Variants in EP300 observed in about 807,000 individuals in gnomAD.
EP300 encodes the protein EP300 lysine acetyltransferase.
A neutral mutation model predicts 264.0 loss-of-function variants in EP300; 31 were observed. That is an observed-to-expected ratio of 0.12 (90% CI 0.09 to 0.16). The LOEUF is 0.16. EP300 is among the 10% of genes least tolerant of loss of function. The pLI is 1.00. For synonymous variants in EP300, 1,340 were observed against 1,045.4 expected, an observed-to-expected ratio of 1.28 and a Z score of -5.44; for missense variants, 2,766 against 3,052.9, an observed-to-expected ratio of 0.91 and a Z score of 2.21.
intron 1 of EP300, among the ~76,000 whole-genome samples, chr22:41,109,850 G>C (rs925667561): frequency 2.7e-5 from 4 of 150,154 alleles, no homozygotes; most frequent in African/African-American, 9.8e-5. Flanking sequence ...GTCTTGCTCT[G>C]TTTCCCAGGC....
Position 41,129,909 on chromosome 22 carries a change from T to G in EP300, c.1188T>G (p.Ser396=), listed in dbSNP as rs1249765703. 6.2e-7 allele frequency: 1 copy of G among 1,613,860 alleles called. No individual in the cohort carries two copies. The highest frequency in any genetic ancestry group is 8.5e-7 in the Non-Finnish European group (1 of 1,179,916). Residue 396 remains serine (S), a synonymous_variant, in exon 5 of 31, where the codon TCT becomes TCG. Coordinates refer to ENST00000263253, the MANE Select transcript of EP300 (RefSeq NM_001429.4). The stretch of plus-strand genomic sequence containing the variant: ...CTTTAGTGGCACACTGTGCATCTTC[T>G]CGACAAATCATTTCACACTGGAAGA... ...KSCQVAHCAS[S]RQIISHWKNC...
intron 3 of EP300, among the ~76,000 whole-genome samples, chr22:41,126,943 C>A (rs2058886287): frequency 1.3e-5 from 2 of 151,812 alleles, no homozygotes; most frequent in Admixed American, 1.3e-4. Context: ...AGGGTTTCTC[C>A]ATGTTGGTCA....
At chr22:41,133,905 A>T (rs931362875) in intron 6 of EP300, among the ~76,000 whole-genome samples, 1 of 152,228 alleles carries the variant, frequency 6.6e-6, no homozygotes, top group Non-Finnish European at 1.5e-5. Flanking sequence ...AAGTTATGAG[A>T]GTGAAATGCA....
At chr22:41,109,495 A>G (rs2058776864) in intron 1 of EP300, among the ~76,000 whole-genome samples, 1 of 152,160 alleles carries the variant, frequency 6.6e-6, no homozygotes, top group African/African-American at 2.4e-5. Flanking sequence ...ACACATTGAA[A>G]GTGCTGGATA....
chr22:41,098,654 AGCCATAGCACCTG>A (rs2058715136), intron 1 of EP300, among the ~76,000 whole-genome samples: 1 of 152,206 alleles, frequency 6.6e-6, no homozygotes, highest in Non-Finnish European at 1.5e-5. Context: ...TACAGGCGTG[AGCCATAGCACCTG>A]GCCCTAGAAG....
At chr22:41,115,288 A>G (rs1401739369) in intron 1 of EP300, among the ~76,000 whole-genome samples, 1 of 152,224 alleles carries the variant, frequency 6.6e-6, no homozygotes, top group Non-Finnish European at 1.5e-5. Context: ...CTACTGGCAT[A>G]AGTAGAAAGA....
At chr22:41,171,769 GC>G (rs2059172181) in intron 27 of EP300, among the ~76,000 whole-genome samples, 1 of 151,530 alleles carries the variant, frequency 6.6e-6, no homozygotes, top group Non-Finnish European at 1.5e-5. Flanking sequence ...GCACCACCAA[GC>G]CAGGCTAATT....
intron 2 of EP300, among the ~76,000 whole-genome samples, chr22:41,125,452 G>T (rs528099546): frequency 1.4e-4 from 21 of 151,476 alleles, no homozygotes; most frequent in Admixed American, 2.6e-4. Context: ...TTTTGGTACC[G>T]ATGGGTTTTC....
In EP300 at chr22:41,177,616, C is replaced by A; in HGVS notation, c.5905C>A (p.Pro1969Thr). ...MTPMAPMGMN[P>T]PPMTRGPSGH... ...TCCCATGGCCCCCATGGGTATGAAC[C>A]CACCTCCCATGACCAGAGGTCCCAG... Residue 1969 changes from proline to threonine, a missense_variant, in exon 31 of 31, where the codon CCA becomes ACA. Pro to Thr is a conservative substitution (Grantham distance 38). Transcript: ENST00000263253. 1 of 1,614,124 alleles carries A rather than the reference C, an allele frequency of 6.2e-7. No homozygotes were observed. The highest frequency in any genetic ancestry group is 8.5e-7 in the Non-Finnish European group (1 of 1,180,036).
intron 2 of EP300, among the ~76,000 whole-genome samples, chr22:41,125,231 G>A (rs2058874651): frequency 6.9e-6 from 1 of 145,588 alleles, no homozygotes; most frequent in African/African-American, 2.6e-5. Flanking sequence ...CCATTCTCCT[G>A]CCTCAGCCTC....
intron 1 of EP300, among the ~76,000 whole-genome samples, chr22:41,109,126 A>G (rs751998766): frequency 2.6e-5 from 4 of 151,870 alleles, no homozygotes; most frequent in South Asian, 2.1e-4. Flanking sequence ...ATAAAAAATT[A>G]GGTGTGGTGA....
rs760313923 is a variant in EP300 at position 41,135,885 on chromosome 22, A to G, written c.1601A>G (p.His534Arg). 3.7e-6 allele frequency: 6 copies of G among 1,614,058 alleles called. No homozygotes were observed. Among genetic ancestry groups the G allele is most frequent in the Non-Finnish European group, 5.1e-6 (6 of 1,179,914 alleles). Residue 534 changes from histidine (H) to arginine (R), a missense_variant, in exon 7 of 31, where the codon CAT (histidine) becomes CGT (arginine). Coordinates refer to ENST00000263253, the MANE Select transcript of EP300 (RefSeq NM_001429.4). ...TPSLLSDSML[H>R]SAINSQNPMM... ...AGTCTTCTTTCTGACTCAATGTTGC[A>G]TTCAGCCATAAATTCTCAAAAGTAA...
chr22:41,177,339 G>A lies in EP300; in HGVS notation c.5628G>A (p.Gln1876=). The stretch of plus-strand genomic sequence containing the variant: ...CGCCCCAGCCCACTTCTCAGCCTCA[G>A]CCTACCCCTCCCAATAGCATGCCAC... ...PQTPQPTSQP[Q]PTPPNSMPPY... is the part of the protein sequence containing the mutation. The change falls in exon 31 of 31, where the codon CAG becomes CAA. Residue 1876 remains glutamine (Q), a synonymous_variant. Transcript: ENST00000263253. The A allele has an allele frequency of 6.2e-7, 1 of 1,613,948 alleles. No individual in the cohort carries two copies.
chr22:41,165,921 A>T (rs890355125), intron 22 of EP300, among the ~76,000 whole-genome samples: 1 of 151,824 alleles, frequency 6.6e-6, no homozygotes, highest in Admixed American at 6.6e-5. Context: ...AGTAGCTGGG[A>T]TTACAGGCAC....
intron 1 of EP300, among the ~76,000 whole-genome samples, chr22:41,107,703 T>A (rs1424814084): frequency 6.6e-6 from 1 of 152,190 alleles, no homozygotes; most frequent in Non-Finnish European, 1.5e-5. Flanking sequence ...GAACCGAGAT[T>A]ATTTTTTATT....
intron 1 of EP300, among the ~76,000 whole-genome samples, chr22:41,095,432 A>G (rs1022695714): frequency 6.6e-6 from 1 of 151,708 alleles, no homozygotes; most frequent in African/African-American, 2.4e-5. Context: ...GGATTTCACC[A>G]TATTGGTCAG....
At chr22:41,098,403 G>T (rs995567201) in intron 1 of EP300, among the ~76,000 whole-genome samples, 1 of 152,074 alleles carries the variant, frequency 6.6e-6, no homozygotes, top group Non-Finnish European at 1.5e-5. Context: ...ACGGAGTCTC[G>T]CTCTGTCGCC....
intron 16 of EP300, among the ~76,000 whole-genome samples, chr22:41,154,575 C>G (rs2059066152): frequency 6.6e-6 from 1 of 152,036 alleles, no homozygotes; most frequent in African/African-American, 2.4e-5. Context: ...GACGAGGTTT[C>G]ACCATGTTGG....
chr22:41,146,638 G>A (rs1056544959), intron 10 of EP300, 101 bp from the exon 11 acceptor site: 2 of 963,904 alleles, frequency 2.1e-6, no homozygotes, highest in African/African-American at 3.3e-5. Context: ...AATTTTCAAA[G>A]GTATTATTAA....
Sources: gnomAD v4.1 joint callset for allele counts (sites outside exome capture counted in the v4.1 genomes callset) on GRCh38, gnomAD v4.1.1 for gene constraint, MANE v1.5 for transcripts, NCBI Gene and HGNC (gene_info 2026-07-23, HGNC 2026-07-21) for gene names.